The following ZMPSTE24 variants were observed in gnomAD, a reference collection of about 807,000 sequenced individuals.
The protein encoded by ZMPSTE24 is CAAX prenyl protease 1 homolog.
ZMPSTE24 carries 48 observed loss-of-function variants against 56.7 expected under a neutral mutation model. That is an observed-to-expected ratio of 0.85 (90% CI 0.67 to 1.08). ZMPSTE24 has a LOEUF of 1.08. ZMPSTE24 is among the 50% of genes least tolerant of loss of function. The pLI, the probability that ZMPSTE24 is intolerant of heterozygous loss-of-function variation, is 0.00. For missense variants in ZMPSTE24, 503 were observed against 548.7 expected (o/e 0.92, Z 0.83); for synonymous variants, 172 against 195.2 (o/e 0.88, Z 0.99).
chr1:40,287,251 TAG>T (rs900913985), intron 8 of ZMPSTE24, among the ~76,000 whole-genome samples: 2 of 151,754 alleles, frequency 1.3e-5, no homozygotes, highest in Non-Finnish European at 2.9e-5. Context: ...GTATTTTTGG[TAG>T]AGACCGGTTT....
At chr1:40,275,717 A>G (rs1643663457) in intron 6 of ZMPSTE24, among the ~76,000 whole-genome samples, 1 of 141,438 alleles carries the variant, frequency 7.1e-6, no homozygotes. Context: ...GCGCCACTAC[A>G]CTCCAGCCTG....
intron 8 of ZMPSTE24, among the ~76,000 whole-genome samples, chr1:40,287,903 A>G (rs941042692): frequency 4.6e-5 from 7 of 151,820 alleles, no homozygotes; most frequent in Admixed American, 1.3e-4. Context: ...TGAGCAAGGC[A>G]TGGTGGCTCA....
chr1:40,282,580 T>TG (rs1643741279), intron 7 of ZMPSTE24, among the ~76,000 whole-genome samples: 1 of 152,200 alleles, frequency 6.6e-6, no homozygotes, highest in Non-Finnish European at 1.5e-5. Flanking sequence ...GGCCTCAAGT[T>TG]ACCCGCCTGC....
intron 2 of ZMPSTE24, among the ~76,000 whole-genome samples, chr1:40,264,918 A>G (rs566360386): frequency 6.6e-6 from 1 of 150,670 alleles, no homozygotes; most frequent in East Asian, 1.9e-4. Context: ...GTGAAATAAT[A>G]TATGTCAAAG....
chr1:40,264,849 C>T (rs11811980), intron 2 of ZMPSTE24, among the ~76,000 whole-genome samples: 16,091 of 145,036 alleles, frequency 0.11, 1,021 homozygotes, highest in South Asian at 0.17. Flanking sequence ...GCTGTACCCC[C>T]GCCTGGTGAC....
intron 8 of ZMPSTE24, among the ~76,000 whole-genome samples, chr1:40,289,577 T>G (rs968723460): frequency 6.6e-6 from 1 of 152,238 alleles, no homozygotes; most frequent in Non-Finnish European, 1.5e-5. Flanking sequence ...AGCCCCATTC[T>G]AAGCTGACAG....
chr1:40,272,589 C>CT (rs1013716417), intron 6 of ZMPSTE24, among the ~76,000 whole-genome samples: 4 of 152,166 alleles, frequency 2.6e-5, no homozygotes, highest in Non-Finnish European at 4.4e-5. Flanking sequence ...TTGATGATTA[C>CT]TTTTGAGATT....
intron 8 of ZMPSTE24, among the ~76,000 whole-genome samples, chr1:40,287,054 A>AT (rs1643795112): frequency 7.8e-6 from 1 of 127,488 alleles, no homozygotes; most frequent in Non-Finnish European, 1.6e-5. Flanking sequence ...TTTAAAAAAC[A>AT]TTTTTTTCTT....
In ZMPSTE24 at chr1:40,260,917, C is replaced by A. The variant is rs771057161; in HGVS notation, c.202C>A (p.Arg68=). 2 of 1,614,080 alleles carry A rather than the reference C, an allele frequency of 1.2e-6. No individual in the cohort carries two copies. Among genetic ancestry groups the A allele is most frequent in the African/African-American group, 2.7e-5 (2 of 75,046 alleles). The part of the protein sequence containing the change: ...IMDSETFEKS[R]LYQLDKSTFS... ...GGATTCTGAAACATTTGAGAAATCTCGACTCTATCAACTGGATAAAAGCAC... is the reference window on the plus strand; with the variant it reads ...GGATTCTGAAACATTTGAGAAATCTAGACTCTATCAACTGGATAAAAGCAC... The change falls in exon 2 of 10, where the codon CGA becomes AGA. Residue 68 remains arginine (R), a synonymous_variant. Coordinates refer to ENST00000372759, the MANE Select transcript of ZMPSTE24 (RefSeq NM_005857.5).
intron 8 of ZMPSTE24, among the ~76,000 whole-genome samples, chr1:40,289,022 C>T (rs1166933833): frequency 6.6e-6 from 1 of 151,992 alleles, no homozygotes; most frequent in South Asian, 2.1e-4. Flanking sequence ...CCACTTTCAT[C>T]TGGTGCCAGC....
chr1:40,268,879 C>T (rs769814375), intron 4 of ZMPSTE24, among the ~76,000 whole-genome samples: 4 of 149,338 alleles, frequency 2.7e-5, no homozygotes, highest in Non-Finnish European at 4.4e-5. Flanking sequence ...AGATCGAGGC[C>T]ATCCTGGCTA....
At chr1:40,267,673 T>C (rs1440128702) in intron 2 of ZMPSTE24, 113 bp from the exon 3 acceptor site, 2 of 879,684 alleles carry the variant, frequency 2.3e-6, no homozygotes, top group Non-Finnish European at 3.7e-6. Flanking sequence ...CTGGCCTCTT[T>C]TGTTTTTTTA....
chr1:40,282,531 A>G (rs1159268140), intron 7 of ZMPSTE24, among the ~76,000 whole-genome samples: 1 of 152,022 alleles, frequency 6.6e-6, no homozygotes, highest in African/African-American at 2.4e-5. Context: ...TTATTTTGAG[A>G]TGAGGTCTTG....
At chr1:40,260,514 A>G (rs775979175) in intron 1 of ZMPSTE24, among the ~76,000 whole-genome samples, 42 of 152,160 alleles carry the variant, frequency 2.8e-4, no homozygotes, top group Non-Finnish European at 3.8e-4. Context: ...TGTTTTCCGT[A>G]TTATAGGAGG....
In ZMPSTE24 at chr1:40,269,973, A is replaced by G. The variant is rs312262685; in HGVS notation, c.475-2A>G. The G allele has an allele frequency of 5.6e-6, 9 of 1,602,800 alleles. No individual in the cohort carries two copies. The highest frequency in any genetic ancestry group is 1.7e-6 in the Non-Finnish European group (2 of 1,177,110). Reference sequence around the variant, plus strand: ...TCTTGTGGTAATGTTTTCTTTTTGCAGACTTTGGGGTTCTTCATGAAAGAT... The same window carrying G: ...TCTTGTGGTAATGTTTTCTTTTTGCGGACTTTGGGGTTCTTCATGAAAGAT... On this transcript the variant is annotated splice_acceptor_variant, in intron 4 of 9. Transcript: ENST00000372759. LOFTEE classifies it high-confidence loss of function.
At chr1:40,272,644 C>T (rs565633712) in intron 6 of ZMPSTE24, among the ~76,000 whole-genome samples, 1 of 152,218 alleles carries the variant, frequency 6.6e-6, no homozygotes, top group Non-Finnish European at 1.5e-5. Flanking sequence ...TTCCCATTAA[C>T]ACCCAGTCTA....
chr1:40,262,466 A>G (rs1461024071), intron 2 of ZMPSTE24, among the ~76,000 whole-genome samples: 1 of 152,134 alleles, frequency 6.6e-6, no homozygotes, highest in Non-Finnish European at 1.5e-5. Context: ...ACATGTCACA[A>G]GTAGGAAATC....
At chr1:40,282,369 A>G (rs1297314173) in intron 7 of ZMPSTE24, among the ~76,000 whole-genome samples, 3 of 152,210 alleles carry the variant, frequency 2.0e-5, no homozygotes, top group Non-Finnish European at 4.4e-5. Flanking sequence ...GAAACAATAC[A>G]AACTGTCAGA....
At chr1:40,281,244 A>T in intron 6 of ZMPSTE24, 99 bp from the exon 7 acceptor site, 1 of 1,154,742 alleles carries the variant, frequency 8.7e-7, no homozygotes. Flanking sequence ...TGATTTGAAA[A>T]TGTTAATGTC....
Sources: allele counts gnomAD v4.1 joint callset (sites outside exome capture counted in the v4.1 genomes callset), GRCh38; gene constraint gnomAD v4.1.1; transcripts MANE v1.5; gene names NCBI Gene and HGNC (gene_info 2026-07-23, HGNC 2026-07-21).